Variants in GAS2 observed in about 807,000 individuals in gnomAD.
GAS2 encodes growth arrest-specific protein 2.
A neutral mutation model predicts 37.5 loss-of-function variants in GAS2; 20 were observed. That is an observed-to-expected ratio of 0.53 (90% confidence interval 0.37 to 0.77). GAS2 has a LOEUF of 0.77. GAS2 is among the 30% of genes least tolerant of loss of function. The pLI is 0.00. For missense variants in GAS2, 336 were observed against 373.4 expected (o/e 0.90, Z 0.82); for synonymous variants, 144 against 132.2 (o/e 1.09, Z -0.61).
At chr11:22,746,966 T>C (rs1237559175) in intron 5 of GAS2, among the ~76,000 whole-genome samples, 9 of 152,182 alleles carry the variant, frequency 5.9e-5, no homozygotes, top group Admixed American at 5.9e-4. Flanking sequence ...TGTTGGTACT[T>C]GTCAAGAGCA....
chr11:22,739,374 A>G (rs1054957840), intron 5 of GAS2, among the ~76,000 whole-genome samples: 3 of 151,984 alleles, frequency 2.0e-5, no homozygotes, highest in African/African-American at 7.2e-5. Flanking sequence ...GGAGATCGAG[A>G]CCATCCTGAC....
intron 4 of GAS2, among the ~76,000 whole-genome samples, chr11:22,729,472 G>C (rs1017998519): frequency 4.0e-5 from 6 of 151,794 alleles, no homozygotes; most frequent in Non-Finnish European, 7.4e-5. Flanking sequence ...ATGCTTGGCA[G>C]ATAACTTCCT....
intron 1 of GAS2, among the ~76,000 whole-genome samples, chr11:22,634,103 C>T (rs1858785829): frequency 6.6e-6 from 1 of 152,114 alleles, no homozygotes; most frequent in Non-Finnish European, 1.5e-5. Context: ...TTCCACGTGG[C>T]TGGGGAGGCC....
At chr11:22,808,513 G>A (rs1280889388) in intron 7 of GAS2, among the ~76,000 whole-genome samples, 1 of 152,200 alleles carries the variant, frequency 6.6e-6, no homozygotes, top group East Asian at 1.9e-4. Context: ...GATTCATTAA[G>A]AAATTAGCAA....
At chr11:22,801,668 G>T (rs1039356972) in intron 7 of GAS2, among the ~76,000 whole-genome samples, 1 of 152,058 alleles carries the variant, frequency 6.6e-6, no homozygotes, top group Non-Finnish European at 1.5e-5. Context: ...AAGGTCATAT[G>T]CTAGATGGGG....
At chr11:22,724,316 T>G (rs1427418912) in intron 3 of GAS2, among the ~76,000 whole-genome samples, 1 of 151,972 alleles carries the variant, frequency 6.6e-6, no homozygotes, top group Non-Finnish European at 1.5e-5. Flanking sequence ...AGAGTTTCAT[T>G]GTATTTATGT....
At chr11:22,665,993 C>T (rs919118176), upstream of GAS2, among the ~76,000 whole-genome samples, 2 of 152,226 alleles carry the variant, frequency 1.3e-5, no homozygotes, top group Non-Finnish European at 2.9e-5. Flanking sequence ...TATTTATGCT[C>T]CATGGGAGGT....
At chr11:22,754,852 C>T (rs1271724672) in intron 6 of GAS2, among the ~76,000 whole-genome samples, 4 of 152,094 alleles carry the variant, frequency 2.6e-5, no homozygotes, top group Non-Finnish European at 4.4e-5. Flanking sequence ...TGGAAGAATT[C>T]GGGTGAGGAA....
intron 2 of GAS2, among the ~76,000 whole-genome samples, chr11:22,678,884 C>G (rs573673342): frequency 6.0e-4 from 91 of 151,732 alleles, no homozygotes; most frequent in African/African-American, 2.1e-3. Flanking sequence ...AATATACTTA[C>G]TTAATCATTA....
At chr11:22,667,173 A>G (rs1425097982) in intron 1 of GAS2, 2 of 152,342 alleles carry the variant, frequency 1.3e-5, no homozygotes, top group African/African-American at 4.8e-5. Context: ...CTATTGCGGA[A>G]CACCCCGGAC....
chr11:22,661,093 A>G (rs619365), intron 1 of GAS2, among the ~76,000 whole-genome samples: 103,775 of 152,206 alleles, frequency 0.68, 39,887 homozygotes, highest in East Asian at 0.89. Context: ...TTAAAAATCA[A>G]TGAATAACTG....
chr11:22,701,339 A>G (rs1010080805), intron 3 of GAS2, among the ~76,000 whole-genome samples: 8 of 152,152 alleles, frequency 5.3e-5, no homozygotes, highest in African/African-American at 1.9e-4. Flanking sequence ...GTTTGAGTAT[A>G]TGTTAGCAAC....
At chr11:22,676,511 G>T (rs1232690202) in intron 2 of GAS2, among the ~76,000 whole-genome samples, 2 of 152,006 alleles carry the variant, frequency 1.3e-5, no homozygotes, top group Non-Finnish European at 2.9e-5. Context: ...TATGATCTTG[G>T]GCAAATTACT....
At chr11:22,766,612 C>T (rs1440049722) in intron 7 of GAS2, among the ~76,000 whole-genome samples, 1 of 151,900 alleles carries the variant, frequency 6.6e-6, no homozygotes, top group Non-Finnish European at 1.5e-5. Flanking sequence ...AGTCAAAAAA[C>T]AAAAAAGCAC....
At chr11:22,739,220 C>T (rs769897927) in intron 5 of GAS2, among the ~76,000 whole-genome samples, 1 of 152,084 alleles carries the variant, frequency 6.6e-6, no homozygotes, top group Non-Finnish European at 1.5e-5. Context: ...GGGCTTCTGG[C>T]CTGGAAGACA....
intron 1 of GAS2, among the ~76,000 whole-genome samples, chr11:22,640,768 A>G (rs1288819420): frequency 6.6e-6 from 1 of 152,132 alleles, no homozygotes; most frequent in African/African-American, 2.4e-5. Context: ...TTCACCACGT[A>G]TGTATATATG....
At chr11:22,757,765 C>T (rs774193225) in intron 7 of GAS2, among the ~76,000 whole-genome samples, 2 of 151,942 alleles carry the variant, frequency 1.3e-5, no homozygotes, top group Non-Finnish European at 2.9e-5. Context: ...AATTACAAAC[C>T]GAAACTATTT....
At chr11:22,727,961 A>G (rs1385108709) in intron 4 of GAS2, among the ~76,000 whole-genome samples, 2 of 152,016 alleles carry the variant, frequency 1.3e-5, no homozygotes, top group Non-Finnish European at 2.9e-5. Flanking sequence ...TAGCCATAAA[A>G]TCAAGTCTTA....
chr11:22,717,914 C>T (rs1482929529), intron 3 of GAS2, among the ~76,000 whole-genome samples: 1 of 152,054 alleles, frequency 6.6e-6, no homozygotes, highest in South Asian at 2.1e-4. Flanking sequence ...ATCAAAACCA[C>T]AATGTGATAC....
Sources: allele counts gnomAD v4.1 joint callset (sites outside exome capture counted in the v4.1 genomes callset), GRCh38; gene constraint gnomAD v4.1.1; transcripts MANE v1.5; gene names NCBI Gene and HGNC (gene_info 2026-07-23, HGNC 2026-07-21).